Variants in SPIRE1 observed in about 807,000 individuals in gnomAD.
SPIRE1 encodes spire type actin nucleation factor 1.
A neutral mutation model predicts 94.1 loss-of-function variants in SPIRE1; 40 were observed. The observed-to-expected ratio is 0.43, with a 90% confidence interval of 0.33 to 0.55. SPIRE1 has a LOEUF of 0.55. Ranked by LOEUF, SPIRE1 falls within the 20% of genes least tolerant of loss-of-function variation. The pLI is 0.06. For synonymous variants in SPIRE1, 376 were observed against 371.7 expected, an observed-to-expected ratio of 1.01 and a Z score of -0.13; for missense variants, 838 against 975.2, an observed-to-expected ratio of 0.86 and a Z score of 1.87.
chr18:12,592,520 C>T (rs1166694953), intron 2 of SPIRE1, among the ~76,000 whole-genome samples: 4 of 152,162 alleles, frequency 2.6e-5, no homozygotes, highest in African/African-American at 4.8e-5. Context: ...TGAAGAGAGG[C>T]TAAGTGACCT....
At chr18:12,471,068 C>T (rs116054239) in intron 10 of SPIRE1, among the ~76,000 whole-genome samples, 2,276 of 142,228 alleles carry the variant, frequency 0.016, 59 homozygotes, top group African/African-American at 0.057. Context: ...CTACTGGAAG[C>T]TTTGATATGG....
At chr18:12,553,752 TAAAC>T (rs2035422330) in intron 2 of SPIRE1, among the ~76,000 whole-genome samples, 1 of 151,814 alleles carries the variant, frequency 6.6e-6, no homozygotes, top group Non-Finnish European at 1.5e-5. Context: ...AAACTTCAAA[TAAAC>T]AACCTAAAAA....
intron 1 of SPIRE1, among the ~76,000 whole-genome samples, chr18:12,645,412 C>G (rs1309848296): frequency 6.6e-6 from 1 of 152,146 alleles, no homozygotes; most frequent in Non-Finnish European, 1.5e-5. Flanking sequence ...TCCTGCCTAC[C>G]CTGTCACCCA....
At chr18:12,461,584 T>C (rs1254694824) in intron 12 of SPIRE1, among the ~76,000 whole-genome samples, 5 of 148,810 alleles carry the variant, frequency 3.4e-5, no homozygotes, top group African/African-American at 1.3e-4. Context: ...CATACATATG[T>C]ATATACATAC....
chr18:12,540,254 T>C (rs139419781), intron 3 of SPIRE1, among the ~76,000 whole-genome samples: 6 of 152,338 alleles, frequency 3.9e-5, no homozygotes, highest in African/African-American at 1.4e-4. Flanking sequence ...TAGACTTGTT[T>C]CTTTAAAACA....
intron 2 of SPIRE1, among the ~76,000 whole-genome samples, chr18:12,547,940 A>AACC (rs2035221323): frequency 8.2e-6 from 1 of 122,600 alleles, no homozygotes; most frequent in Non-Finnish European, 1.9e-5. Context: ...AACAAACAAC[A>AACC]ACAACAACAA....
chr18:12,495,408 AG>A, intron 7 of SPIRE1, among the ~76,000 whole-genome samples: 1 of 152,180 alleles, frequency 6.6e-6, no homozygotes, highest in East Asian at 1.9e-4. Flanking sequence ...TTAATCAAGG[AG>A]GGGTAGGTTG....
intron 9 of SPIRE1, among the ~76,000 whole-genome samples, chr18:12,480,704 C>G (rs1386881467): frequency 6.6e-6 from 1 of 152,162 alleles, no homozygotes; most frequent in East Asian, 1.9e-4. Context: ...CACAGCTGAT[C>G]CATGAGTCTT....
At position 12,539,686 on chromosome 18, in the gene SPIRE1, T is replaced by G. The variant is rs189939745; in HGVS notation, c.604-4085A>C. On this transcript the variant is annotated intron_variant, in intron 3 of 16. Coordinates refer to ENST00000409402, the MANE Select transcript of SPIRE1 (RefSeq NM_001128626.2). ...GCTCACACCTGTAATCTCAGCACTT[T>G]GGGAGGCTGAGGTGGATCACCTGAG... Among the ~76,000 whole-genome samples the G allele has an allele frequency of 6.8e-3, 1,035 of 151,954 alleles. 12 individuals carry two copies. Among genetic ancestry groups the G allele is most frequent in the Middle Eastern group, 0.014 (4 of 294 alleles).
At chr18:12,638,537 G>A (rs532658852) in intron 1 of SPIRE1, among the ~76,000 whole-genome samples, 2 of 152,330 alleles carry the variant, frequency 1.3e-5, no homozygotes, top group East Asian at 3.9e-4. Flanking sequence ...GTTGGTGACA[G>A]AGTGAAGAGC....
chr18:12,469,857 G>C (rs75654567), intron 10 of SPIRE1, among the ~76,000 whole-genome samples: 1 of 150,092 alleles, frequency 6.7e-6, no homozygotes, highest in East Asian at 1.9e-4. Context: ...GCACTCAGAG[G>C]GTGCATTCTC....
intron 2 of SPIRE1, among the ~76,000 whole-genome samples, chr18:12,563,668 T>C (rs2035746916): frequency 6.6e-6 from 1 of 152,222 alleles, no homozygotes; most frequent in Non-Finnish European, 1.5e-5. Flanking sequence ...TTGGCATCAA[T>C]TGTATCTATA....
At chr18:12,498,122 T>C (rs73403754) in intron 6 of SPIRE1, among the ~76,000 whole-genome samples, 2 of 152,188 alleles carry the variant, frequency 1.3e-5, no homozygotes, top group Non-Finnish European at 2.9e-5. Flanking sequence ...ATCTGAAATG[T>C]TCCAATGAGA....
chr18:12,641,374 CTTTTTTT>C (rs67745102), intron 1 of SPIRE1, among the ~76,000 whole-genome samples: 4 of 143,750 alleles, frequency 2.8e-5, no homozygotes, highest in African/African-American at 7.7e-5. Flanking sequence ...TTCTTTTTTT[CTTTTTTT>C]TTTTTTGAGA....
At chr18:12,454,587 G>T in intron 12 of SPIRE1, 104 bp from the exon 13 acceptor site, 2 of 1,099,754 alleles carry the variant, frequency 1.8e-6, no homozygotes, top group East Asian at 2.4e-5. Context: ...TCAGAGAAGA[G>T]AACAGGTTTC....
At position 12,615,327 on chromosome 18, in the gene SPIRE1, C is replaced by CAAAAAAAAAAA. The variant is rs1234229698; in HGVS notation, c.372+19724_372+19734dup. Among the ~76,000 whole-genome samples, 18 of 2,180 alleles carry CAAAAAAAAAAA rather than the reference C, an allele frequency of 8.3e-3. 3 individuals are homozygous for CAAAAAAAAAAA. Among genetic ancestry groups the CAAAAAAAAAAA allele is most frequent in the African/African-American group, 0.021 (15 of 712 alleles). The allele number at this position is 2,180 out of a possible 152,430, so 1.4% of individuals were successfully genotyped here. On this transcript the variant is annotated intron_variant, in intron 2 of 16. Transcript: ENST00000409402. ...GGGCAACAAGAGTGAAACTCTGTCTCAAAAAAAAAAAAAAAAAAATATATA... is the reference window on the plus strand; with the variant it reads ...GGGCAACAAGAGTGAAACTCTGTCTCAAAAAAAAAAAAAAAAAAAAAAAAAAAAAATATATA...
At chr18:12,552,476 G>A (rs2035379651) in intron 2 of SPIRE1, among the ~76,000 whole-genome samples, 1 of 152,044 alleles carries the variant, frequency 6.6e-6, no homozygotes, top group South Asian at 2.1e-4. Context: ...AATAAGGGAG[G>A]AGACCACCCC....
intron 2 of SPIRE1, among the ~76,000 whole-genome samples, chr18:12,592,277 C>G (rs1374117658): frequency 6.6e-6 from 1 of 152,124 alleles, no homozygotes; most frequent in African/African-American, 2.4e-5. Context: ...TTTTACTTAG[C>G]TGAAGACTCA....
At chr18:12,516,970 A>G (rs1056176229) in intron 4 of SPIRE1, among the ~76,000 whole-genome samples, 1 of 152,236 alleles carries the variant, frequency 6.6e-6, no homozygotes, top group South Asian at 2.1e-4. Flanking sequence ...GAAATGGTCC[A>G]AGAATTTCAC....
Sources: gnomAD v4.1 joint callset for allele counts (sites outside exome capture counted in the v4.1 genomes callset) on GRCh38, gnomAD v4.1.1 for gene constraint, MANE v1.5 for transcripts, NCBI Gene and HGNC (gene_info 2026-07-23, HGNC 2026-07-21) for gene names.